ITGB3: variants seen among roughly 807,000 people sequenced by gnomAD.
ITGB3 encodes the protein integrin subunit beta 3.
Under a neutral mutation model 85.8 loss-of-function variants are expected in ITGB3, and 48 were observed. The observed-to-expected ratio is 0.56, with a 90% CI of 0.44 to 0.71. ITGB3 has a LOEUF of 0.71. Among genes scored for constraint, ITGB3 ranks in the 30% least tolerant of loss-of-function variants. The probability of loss-of-function intolerance (pLI) is 0.00; values close to 1 mark genes in which losing one functional copy is unlikely to be tolerated. For missense variants in ITGB3, 861 were observed against 1,019.1 expected, an observed-to-expected ratio of 0.84 and a Z score of 2.11; for synonymous variants, 363 against 395.6, an observed-to-expected ratio of 0.92 and a Z score of 0.98.
intron 1 of ITGB3, among the ~76,000 whole-genome samples, chr17:47,262,146 T>C (rs1447785473): frequency 3.9e-5 from 6 of 152,214 alleles, no homozygotes; most frequent in Non-Finnish European, 1.5e-5. Context: ...GTTGTCAATT[T>C]GTCCTCCCAA....
Position 47,307,554 on chromosome 17 carries a change from A to T in ITGB3, c.2218A>T (p.Ile740Phe). The T allele has an allele frequency of 6.2e-7, 1 of 1,614,190 alleles. No individual in the cohort carries two copies. The highest frequency in any genetic ancestry group is 8.5e-7 in the Non-Finnish European group (1 of 1,180,038). Residue 740 changes from isoleucine to phenylalanine, a missense_variant, in exon 14 of 15, where the codon ATC becomes TTC. Transcript: ENST00000559488. ...GCTCATTGGCCTTGCCGCCCTGCTC[A>T]TCTGGAAACTCCTCATCACCATCCA... The part of the protein sequence containing the change: ...ILLIGLAALL[I>F]WKLLITIHDR...
chr17:47,310,033 C>A, intron 14 of ITGB3, 106 bp from the exon 15 acceptor site: 1 of 892,504 alleles, frequency 1.1e-6, no homozygotes, highest in Non-Finnish European at 1.9e-6. Flanking sequence ...ATGATGTATT[C>A]CAGAGAACGG....
Position 47,289,754 on chromosome 17 carries a change from A to C in ITGB3, c.1013A>C (p.Glu338Ala), listed in dbSNP as rs760785007. The part of the protein sequence containing the change: ...KNINLIFAVT[E>A]NVVNLYQNYS... ...ATCAATTTGATCTTTGCAGTGACTG[A>C]AAATGTAGTCAATCTCTATCAGGTG... Residue 338 changes from glutamate to alanine, a missense_variant, in exon 7 of 15, where the codon GAA becomes GCA. Coordinates refer to ENST00000559488, the MANE Select transcript of ITGB3 (RefSeq NM_000212.3). The C allele has an allele frequency of 3.7e-6, 6 of 1,613,616 alleles. No individual in the cohort carries two copies. In the African/African-American group the frequency reaches 4.0e-5, roughly 11 times the overall value.
chr17:47,288,206 A>AAGAGAGAGAGAGAGAGAG (rs200536313), intron 6 of ITGB3, among the ~76,000 whole-genome samples: 2 of 134,920 alleles, frequency 1.5e-5, no homozygotes, highest in South Asian at 2.6e-4. Context: ...TTCTCTTAGA[A>AAGAGAGAGAGAGAGAGAG]AGAGAGAGAG....
chr17:47,309,431 G>C (rs7214993), intron 14 of ITGB3, among the ~76,000 whole-genome samples: 96,239 of 151,946 alleles, frequency 0.63, 31,067 homozygotes, highest in African/African-American at 0.74. Context: ...GTTCTGAATT[G>C]CACCTGATAC....
chr17:47,304,310 G>A (rs1393190259), intron 13 of ITGB3, among the ~76,000 whole-genome samples: 1 of 152,208 alleles, frequency 6.6e-6, no homozygotes, highest in Non-Finnish European at 1.5e-5. Context: ...AGACAGTGGG[G>A]GAGATGATTC....
intron 1 of ITGB3, among the ~76,000 whole-genome samples, chr17:47,266,045 A>G (rs1352046532): frequency 6.6e-6 from 1 of 152,222 alleles, no homozygotes; most frequent in Non-Finnish European, 1.5e-5. Context: ...AACTTGCTCT[A>G]GATAAACCAC....
chr17:47,265,528 T>G (rs2065022234), intron 1 of ITGB3, among the ~76,000 whole-genome samples: 1 of 152,206 alleles, frequency 6.6e-6, no homozygotes, highest in Non-Finnish European at 1.5e-5. Context: ...TCTCTCTATA[T>G]GTCTCTCTCT....
intron 4 of ITGB3, among the ~76,000 whole-genome samples, chr17:47,285,615 T>TA (rs372991112): frequency 1.3e-4 from 19 of 147,820 alleles, no homozygotes; most frequent in South Asian, 2.1e-4. Context: ...CAACTGTCTC[T>TA]AAAAAAAAAA....
In ITGB3 at chr17:47,283,437, A is replaced by C; in HGVS notation, c.249A>C (p.Pro83=). ...GTGCCCCAGAATCCATCGAGTTCCCAGTGAGTGAGGCCCGAGTACTAGAGG... is the reference window on the plus strand; with the variant it reads ...GTGCCCCAGAATCCATCGAGTTCCCCGTGAGTGAGGCCCGAGTACTAGAGG... ...DNCAPESIEF[P]VSEARVLEDR... is the part of the protein sequence containing the mutation. Residue 83 remains proline, a synonymous_variant, in exon 3 of 15, where the codon CCA becomes CCC. Coordinates refer to ENST00000559488, the MANE Select transcript of ITGB3 (RefSeq NM_000212.3). 2 of 1,614,238 alleles carry C rather than the reference A, an allele frequency of 1.2e-6. No individual in the cohort carries two copies. The highest frequency in any genetic ancestry group is 1.7e-6 in the Non-Finnish European group (2 of 1,180,048).
chr17:47,255,993 AAAT>A (rs1229064689), intron 1 of ITGB3, among the ~76,000 whole-genome samples: 1 of 152,068 alleles, frequency 6.6e-6, no homozygotes, highest in Middle Eastern at 3.4e-3. Flanking sequence ...ATAAATAAAT[AAAT>A]ACATAATTAA....
intron 1 of ITGB3, among the ~76,000 whole-genome samples, chr17:47,254,462 C>G (rs1376506263): frequency 6.6e-6 from 1 of 152,166 alleles, no homozygotes; most frequent in African/African-American, 2.4e-5. Context: ...AAGGTTTTTT[C>G]TTTTCCTTTT....
intron 3 of ITGB3, 43 bp from the exon 4 acceptor site, chr17:47,284,400 G>T: frequency 1.2e-6 from 2 of 1,612,814 alleles, no homozygotes. Context: ...ATTCAATCTT[G>T]GTGGGAGAAG....
At chr17:47,277,448 G>A (rs1470180196) in intron 2 of ITGB3, among the ~76,000 whole-genome samples, 3 of 152,114 alleles carry the variant, frequency 2.0e-5, no homozygotes, top group Non-Finnish European at 2.9e-5. Flanking sequence ...ATCCAGCCTG[G>A]TGCCTGTAGT....
At chr17:47,254,353 C>G (rs2064980203) in intron 1 of ITGB3, among the ~76,000 whole-genome samples, 1 of 152,156 alleles carries the variant, frequency 6.6e-6, no homozygotes, top group Non-Finnish European at 1.5e-5. Flanking sequence ...CGCGCCTTGG[C>G]AGAGGGATGC....
At chr17:47,291,543 G>T in intron 9 of ITGB3, 1 of 288,198 alleles carries the variant, frequency 3.5e-6, no homozygotes, top group Non-Finnish European at 6.4e-6. Context: ...TTCTGCCTAA[G>T]GGGAGAGGGG....
chr17:47,268,409 T>G (rs562165349), intron 1 of ITGB3, among the ~76,000 whole-genome samples: 1 of 152,320 alleles, frequency 6.6e-6, no homozygotes, highest in East Asian at 1.9e-4. Flanking sequence ...TATGAGACTG[T>G]AAAATTGAAA....
At position 47,307,657 on chromosome 17, in the gene ITGB3, G is replaced by T. The variant is rs752424299; in HGVS notation, c.2301+20G>T. The T allele has an allele frequency of 6.2e-7, 1 of 1,612,188 alleles. No individual in the cohort carries two copies. Among genetic ancestry groups the T allele is most frequent in the African/African-American group, 1.3e-5 (1 of 75,024 alleles). On this transcript the variant is annotated intron_variant, in intron 14 of 14. Transcript: ENST00000559488. ...GACACAGTAAGAGACGGGGCTGGGC[G>T]TTTTCTAAAGTCATTGGTCTGAGAC...
intron 13 of ITGB3, among the ~76,000 whole-genome samples, chr17:47,304,262 T>C (rs1390475729): frequency 6.6e-6 from 1 of 152,212 alleles, no homozygotes; most frequent in Non-Finnish European, 1.5e-5. Flanking sequence ...GCTCCAATCA[T>C]TTCCTGGCTT....
Sources: allele counts gnomAD v4.1 joint callset (sites outside exome capture counted in the v4.1 genomes callset), GRCh38; gene constraint gnomAD v4.1.1; transcripts MANE v1.5; gene names NCBI Gene and HGNC (gene_info 2026-07-23, HGNC 2026-07-21).